Variants in IQCJ observed in about 807,000 individuals in gnomAD.
IQCJ encodes the protein IQ domain-containing protein J.
IQCJ carries 9 observed loss-of-function variants against 11.0 expected under a neutral mutation model. That is an observed-to-expected ratio of 0.82 (90% CI 0.49 to 1.43). The LOEUF is 1.43. IQCJ is among the 40% of genes most tolerant of loss of function. IQCJ has a pLI of 0.00. For synonymous variants in IQCJ, 55 were observed against 51.3 expected (o/e 1.07, Z -0.31); for missense variants, 146 against 133.2 (o/e 1.10, Z -0.47).
At chr3:159,088,477 T>G (rs1229971043) in intron 1 of IQCJ, among the ~76,000 whole-genome samples, 2 of 152,186 alleles carry the variant, frequency 1.3e-5, no homozygotes, top group Non-Finnish European at 1.5e-5. Flanking sequence ...GTATCCTTGT[T>G]GATTTTCTGT....
chr3:159,154,300 C>A (rs1368369187), intron 1 of IQCJ, among the ~76,000 whole-genome samples: 1 of 152,116 alleles, frequency 6.6e-6, no homozygotes, highest in African/African-American at 2.4e-5. Context: ...TAGGCATGGA[C>A]ACAGAATGAT....
intron 1 of IQCJ, among the ~76,000 whole-genome samples, chr3:159,233,659 G>A (rs1422357143): frequency 6.6e-6 from 1 of 152,088 alleles, no homozygotes. Flanking sequence ...ATAAAACTGA[G>A]GCTCAAAGGA....
At chr3:159,163,969 A>G (rs1395651611) in intron 1 of IQCJ, among the ~76,000 whole-genome samples, 2 of 152,202 alleles carry the variant, frequency 1.3e-5, no homozygotes, top group East Asian at 3.8e-4. Context: ...TAACTTACAA[A>G]AGCTTAGAAA....
intron 1 of IQCJ, among the ~76,000 whole-genome samples, chr3:159,075,587 C>CT (rs1196275004): frequency 1.3e-5 from 2 of 151,926 alleles, no homozygotes; most frequent in African/African-American, 4.8e-5. Context: ...TATAAATTCC[C>CT]TTTTTTGTCT....
intron 1 of IQCJ, among the ~76,000 whole-genome samples, chr3:159,158,218 T>C (rs557375516): frequency 1.4e-3 from 208 of 152,340 alleles, no homozygotes; most frequent in African/African-American, 4.9e-3. Flanking sequence ...AATTTTGAGA[T>C]GTTCCCTTAC....
At chr3:159,101,376 C>A (rs1717903060) in intron 1 of IQCJ, among the ~76,000 whole-genome samples, 1 of 152,096 alleles carries the variant, frequency 6.6e-6, no homozygotes, top group African/African-American at 2.4e-5. Flanking sequence ...TCCTATTCGG[C>A]CATCTTGGCT....
intron 1 of IQCJ, among the ~76,000 whole-genome samples, chr3:159,132,493 G>A (rs957189847): frequency 6.6e-6 from 1 of 152,138 alleles, no homozygotes; most frequent in Non-Finnish European, 1.5e-5. Flanking sequence ...TCCAGTAGGA[G>A]AAAGATGGGT....
chr3:159,265,418 T>G (rs1438635960), downstream of IQCJ: 1 of 1,602,632 alleles, frequency 6.2e-7, no homozygotes, highest in Non-Finnish European at 8.5e-7. Flanking sequence ...ACCTCAAGTT[T>G]ATGGAGGGAA....
chr3:159,074,958 A>G lies in IQCJ; in HGVS notation c.9+5517A>G, dbSNP rs1377575617. 2.0e-5 allele frequency among the ~76,000 whole-genome samples: 3 copies of G among 152,128 alleles called. No homozygotes were observed. The East Asian group carries it at 5.8e-4, about 29-fold the overall frequency. On this transcript the variant is annotated intron_variant, in intron 1 of 3. Coordinates refer to ENST00000397832, the MANE Select transcript of IQCJ (RefSeq NM_001042706.3). ...TCATGAGTTGCAGACATCTTCTCAT[A>G]GAGGAAATCTGAAACTGCTGCCTCC... is the stretch of plus-strand genomic sequence containing the variant.
intron 1 of IQCJ, among the ~76,000 whole-genome samples, chr3:159,219,141 A>C (rs1272701528): frequency 1.3e-5 from 2 of 152,072 alleles, no homozygotes; most frequent in Admixed American, 6.6e-5. Context: ...CCAAATTCAC[A>C]GTTCTAGGGG....
At chr3:159,195,705 A>G (rs1206025255) in intron 1 of IQCJ, among the ~76,000 whole-genome samples, 2 of 152,176 alleles carry the variant, frequency 1.3e-5, no homozygotes, top group African/African-American at 2.4e-5. Flanking sequence ...GACCAGCTTA[A>G]TCTTCCCAGT....
chr3:159,223,331 T>C (rs1394049398), intron 1 of IQCJ, among the ~76,000 whole-genome samples: 1 of 152,088 alleles, frequency 6.6e-6, no homozygotes, highest in African/African-American at 2.4e-5. Context: ...ATTATATAGA[T>C]ATAACAAAAC....
intron 3 of IQCJ, among the ~76,000 whole-genome samples, chr3:159,262,104 G>A (rs1432368363): frequency 6.6e-6 from 1 of 152,230 alleles, no homozygotes; most frequent in Non-Finnish European, 1.5e-5. Context: ...CCTGTTCAGA[G>A]TCTACAGCTG....
intron 2 of IQCJ, among the ~76,000 whole-genome samples, chr3:159,248,264 C>G (rs1349734257): frequency 2.0e-5 from 3 of 152,186 alleles, no homozygotes; most frequent in Non-Finnish European, 2.9e-5. Context: ...TTGGGCAAGA[C>G]AATCTCAAAG....
chr3:159,142,012 T>C (rs1338384092), intron 1 of IQCJ, among the ~76,000 whole-genome samples: 3 of 152,218 alleles, frequency 2.0e-5, no homozygotes, highest in Non-Finnish European at 4.4e-5. Context: ...GTTCTTAAGT[T>C]GGTTTGAATA....
intron 1 of IQCJ, among the ~76,000 whole-genome samples, chr3:159,162,423 G>T (rs979050317): frequency 1.3e-3 from 196 of 152,272 alleles, no homozygotes; most frequent in Non-Finnish European, 2.0e-3. Flanking sequence ...AGCTTAAGGA[G>T]ATTTTGGGCT....
At chr3:159,107,881 G>A (rs1418713999) in intron 1 of IQCJ, among the ~76,000 whole-genome samples, 1 of 151,802 alleles carries the variant, frequency 6.6e-6, no homozygotes, top group East Asian at 1.9e-4. Context: ...TGAGCATTGG[G>A]GACAGACAGG....
chr3:159,196,939 T>G (rs1724020350), intron 1 of IQCJ, among the ~76,000 whole-genome samples: 1 of 152,140 alleles, frequency 6.6e-6, no homozygotes, highest in Non-Finnish European at 1.5e-5. Flanking sequence ...ACTAAACTCC[T>G]AATTTCCCTT....
chr3:159,196,915 A>ATT (rs2108054451), intron 1 of IQCJ, among the ~76,000 whole-genome samples: 1 of 152,236 alleles, frequency 6.6e-6, no homozygotes, highest in South Asian at 2.1e-4. Context: ...CATTGCTTGA[A>ATT]TTTTATGTGC....
Sources: allele counts gnomAD v4.1 joint callset (sites outside exome capture counted in the v4.1 genomes callset), GRCh38; gene constraint gnomAD v4.1.1; transcripts MANE v1.5; gene names NCBI Gene and HGNC (gene_info 2026-07-23, HGNC 2026-07-21).